SIAH3: variants seen among roughly 807,000 people sequenced by gnomAD.
The protein encoded by SIAH3 is siah E3 ubiquitin protein ligase family member 3.
SIAH3 carries 9 observed loss-of-function variants against 12.6 expected under a neutral mutation model. The ratio of observed to expected loss-of-function variants is 0.72; its 90% CI spans 0.43 to 1.25. The LOEUF (loss-of-function observed/expected upper bound fraction) is 1.25, where lower values mean the gene tolerates loss of function less well. Among genes scored for constraint, SIAH3 ranks in the 50% most tolerant of loss-of-function variants. The pLI, the probability that SIAH3 is intolerant of heterozygous loss-of-function variation, is 0.00. For synonymous variants in SIAH3, 154 were observed against 151.1 expected, an observed-to-expected ratio of 1.02 and a Z score of -0.14; for missense variants, 390 against 365.4, an observed-to-expected ratio of 1.07 and a Z score of -0.55.
At chr13:45,784,470 GA>G (rs2137547409) in intron 1 of SIAH3, among the ~76,000 whole-genome samples, 1 of 132,150 alleles carries the variant, frequency 7.6e-6, no homozygotes, top group Non-Finnish European at 1.6e-5. Flanking sequence ...GAGGTCAATA[GA>G]TTTTTTTTTT....
chr13:45,834,345 T>G (rs1049954739), intron 1 of SIAH3, among the ~76,000 whole-genome samples: 6 of 152,322 alleles, frequency 3.9e-5, no homozygotes, highest in African/African-American at 9.6e-5. Context: ...GCTGTCCGAT[T>G]GTGAAGGCCC....
chr13:45,808,277 A>ATT (rs1950604716), intron 1 of SIAH3, among the ~76,000 whole-genome samples: 1 of 146,304 alleles, frequency 6.8e-6, no homozygotes, highest in Non-Finnish European at 1.5e-5. Flanking sequence ...TGTGTTAAAC[A>ATT]GCACAAAAAA....
chr13:45,823,034 C>T (rs1950661867), intron 1 of SIAH3, among the ~76,000 whole-genome samples: 1 of 152,192 alleles, frequency 6.6e-6, no homozygotes, highest in African/African-American at 2.4e-5. Flanking sequence ...TTAGATCTAA[C>T]CCGTCCCCTC....
chr13:45,815,322 C>A (rs1355731930), intron 1 of SIAH3, among the ~76,000 whole-genome samples: 1 of 151,736 alleles, frequency 6.6e-6, no homozygotes, highest in East Asian at 1.9e-4. Context: ...TGTGGGCCAG[C>A]CTCATCCAAG....
chr13:45,851,234 T>G (rs930317357), intron 1 of SIAH3, among the ~76,000 whole-genome samples: 1 of 152,104 alleles, frequency 6.6e-6, no homozygotes, highest in Non-Finnish European at 1.5e-5. Flanking sequence ...CACTCTCAGG[T>G]TGACAGCGTC....
chr13:45,785,661 A>G (rs1337001786), intron 1 of SIAH3, among the ~76,000 whole-genome samples: 2 of 152,234 alleles, frequency 1.3e-5, no homozygotes, highest in African/African-American at 4.8e-5. Context: ...TGGAGGAGGT[A>G]GGGGCCAGAT....
At chr13:45,790,913 G>A (rs1353755415) in intron 1 of SIAH3, among the ~76,000 whole-genome samples, 1 of 152,210 alleles carries the variant, frequency 6.6e-6, no homozygotes, top group Non-Finnish European at 1.5e-5. Flanking sequence ...CAGGTGCAGA[G>A]GCTCATGTCT....
chr13:45,791,220 T>C (rs528745141), intron 1 of SIAH3, among the ~76,000 whole-genome samples: 1 of 152,090 alleles, frequency 6.6e-6, no homozygotes, highest in Admixed American at 6.5e-5. Context: ...TCTCCTCAAC[T>C]AGGTTGGAAG....
chr13:45,830,828 T>C (rs928465960), intron 1 of SIAH3, among the ~76,000 whole-genome samples: 1 of 79,660 alleles, frequency 1.3e-5, no homozygotes, highest in Non-Finnish European at 2.1e-5. Context: ...GAGAAAGTAC[T>C]AACCAAAAAA....
intron 1 of SIAH3, among the ~76,000 whole-genome samples, chr13:45,844,930 A>G (rs1229135689): frequency 6.6e-6 from 1 of 152,236 alleles, no homozygotes; most frequent in Non-Finnish European, 1.5e-5. Flanking sequence ...TGGACAGCAT[A>G]CACTTAGAAA....
chr13:45,817,644 GA>G (rs34216966), intron 1 of SIAH3, among the ~76,000 whole-genome samples: 148,597 of 152,312 alleles, frequency 0.98, 72,506 homozygotes, highest in East Asian at 1. Flanking sequence ...AGAAAGATGT[GA>G]AGGATGCTGG....
chr13:45,794,131 C>T (rs1440291172), intron 1 of SIAH3, among the ~76,000 whole-genome samples: 2 of 150,540 alleles, frequency 1.3e-5, no homozygotes, highest in Non-Finnish European at 2.9e-5. Context: ...CTTACTCTGT[C>T]ACCCAGGCTG....
chr13:45,788,166 T>C (rs1218298159), intron 1 of SIAH3, among the ~76,000 whole-genome samples: 1 of 152,230 alleles, frequency 6.6e-6, no homozygotes, highest in African/African-American at 2.4e-5. Context: ...TCCTGCTCCA[T>C]CTTCTGATGC....
intron 1 of SIAH3, among the ~76,000 whole-genome samples, chr13:45,834,872 A>T (rs1315837636): frequency 6.6e-6 from 1 of 152,202 alleles, no homozygotes; most frequent in African/African-American, 2.4e-5. Flanking sequence ...CTATATAATC[A>T]TAGCTCTATC....
chr13:45,784,132 A>AG, intron 1 of SIAH3, 75 bp from the exon 2 acceptor site: 1 of 1,372,158 alleles, frequency 7.3e-7, no homozygotes, highest in South Asian at 1.4e-5. Flanking sequence ...TGATGTTCAA[A>AG]GTGTTAAAAA....
chr13:45,843,032 C>CTGTGTGTGTGTGTGTGTGTGTGTG (rs746384493), intron 1 of SIAH3, among the ~76,000 whole-genome samples: 10,046 of 125,664 alleles, frequency 0.08, 629 homozygotes, highest in Admixed American at 0.16. Flanking sequence ...CTCTCTCTCT[C>CTGTGTGTGTGTGTGTGTGTGTGTG]TCTGTGTGTG....
At chr13:45,798,766 G>A (rs773055131) in intron 1 of SIAH3, among the ~76,000 whole-genome samples, 2 of 152,224 alleles carry the variant, frequency 1.3e-5, no homozygotes, top group African/African-American at 4.8e-5. Flanking sequence ...GGAGCTTCCT[G>A]ATTCAGGAAT....
chr13:45,785,200 T>C (rs569226704), intron 1 of SIAH3, among the ~76,000 whole-genome samples: 84 of 152,264 alleles, frequency 5.5e-4, no homozygotes, highest in Admixed American at 1.4e-3. Flanking sequence ...TTCTTTTCCG[T>C]AATTAGCCTG....
intron 1 of SIAH3, among the ~76,000 whole-genome samples, chr13:45,808,321 T>C (rs1950604920): frequency 6.6e-6 from 1 of 152,238 alleles, no homozygotes; most frequent in African/African-American, 2.4e-5. Context: ...CCTAAGACTA[T>C]TATCCAACTC....
Sources: gnomAD v4.1 joint callset for allele counts (sites outside exome capture counted in the v4.1 genomes callset) on GRCh38, gnomAD v4.1.1 for gene constraint, MANE v1.5 for transcripts, NCBI Gene and HGNC (gene_info 2026-07-23, HGNC 2026-07-21) for gene names.